The following CCNF variants were observed in gnomAD, a reference collection of about 807,000 sequenced individuals.
CCNF encodes the protein cyclin-F.
In CCNF, 30 loss-of-function variants were observed where a neutral mutation model predicts 85.4. The observed-to-expected ratio is 0.35, with a 90% confidence interval of 0.26 to 0.48. The LOEUF (loss-of-function observed/expected upper bound fraction) is 0.48, where lower values mean the gene tolerates loss of function less well. Ranked by LOEUF, CCNF falls within the 20% of genes least tolerant of loss-of-function variation. The probability of loss-of-function intolerance (pLI) is 0.99; values close to 1 mark genes in which losing one functional copy is unlikely to be tolerated. For synonymous variants in CCNF, 439 were observed against 425.1 expected, an observed-to-expected ratio of 1.03 and a Z score of -0.40; for missense variants, 919 against 1,010.4, an observed-to-expected ratio of 0.91 and a Z score of 1.23.
At chr16:2,438,678 G>A (rs1257913122) in intron 6 of CCNF, among the ~76,000 whole-genome samples, 1 of 151,674 alleles carries the variant, frequency 6.6e-6, no homozygotes, top group Admixed American at 6.6e-5. Context: ...GGAGGAAGAT[G>A]GTGAGTAGAG....
chr16:2,431,917 G>A (rs981571065), intron 2 of CCNF, among the ~76,000 whole-genome samples: 1 of 149,736 alleles, frequency 6.7e-6, no homozygotes, highest in East Asian at 2.0e-4. Flanking sequence ...TGCAAGTTCC[G>A]CCTCCCAGGT....
rs772180279 is a variant in CCNF at position 2,453,320 on chromosome 16, C to T, written c.1587+11C>T. On this transcript the variant is annotated intron_variant, in intron 14 of 16. Transcript: ENST00000397066. The surrounding 1 kb of genome is among the most constrained non-coding windows in gnomAD (Gnocchi z 5.6). ...ATCAGCCAGGAAGAGGTGCCTCCCT[C>T]CCGCCACCTGGGCGTCTCATGGGGT... The T allele has an allele frequency of 1.2e-6, 2 of 1,613,832 alleles. No homozygotes were observed. The highest frequency in any genetic ancestry group is 1.1e-5 in the South Asian group (1 of 91,084).
At chr16:2,443,602 G>A (rs374485469) in intron 8 of CCNF, 47 bp from the exon 9 acceptor site, 6 of 1,592,638 alleles carry the variant, frequency 3.8e-6, no homozygotes, top group African/African-American at 1.3e-5. Context: ...ATGGAAAACT[G>A]CAACATGGCT....
At chr16:2,436,103 C>G (rs1390840360) in intron 4 of CCNF, 5 of 446,492 alleles carry the variant, frequency 1.1e-5, no homozygotes. Flanking sequence ...TTAGCAAACC[C>G]TTTAATTTCA....
Position 2,431,296 on chromosome 16 carries a change from C to T in CCNF, c.171+12C>T, listed in dbSNP as rs768516256. The T allele has an allele frequency of 3.1e-6, 5 of 1,613,118 alleles. No individual in the cohort carries two copies. The highest frequency in any genetic ancestry group is 4.2e-6 in the Non-Finnish European group (5 of 1,179,382). On this transcript the variant is annotated intron_variant, in intron 2 of 16. Transcript: ENST00000397066. ...TGGCCGTCCGAGCTGTAAGTCCCTGCATGAAAACACTATGAGCCCTAGCAT... is the reference window on the plus strand; with the variant it reads ...TGGCCGTCCGAGCTGTAAGTCCCTGTATGAAAACACTATGAGCCCTAGCAT...
rs2141833999 is a variant in CCNF, at chr16:2,456,939, TC to T, written c.2284del (p.Gln762SerfsTer4). ...CCCCAAGTCCCCCGGAGAGCAGTGT[TC>T]CCCAGCAACAGGTGAAGCGGATAAA... ...RPPSPPESSVPQQQVKRINLC... is the reference protein window; with the variant it reads ...RPPSPPESSVXQQQVKRINLC... On this transcript the variant is annotated frameshift_variant, in exon 17 of 17. Transcript: ENST00000397066. LOFTEE classifies it low-confidence loss of function (END_TRUNC). The surrounding 1 kb of genome is among the most constrained non-coding windows in gnomAD (Gnocchi z 4.5). 6.2e-7 allele frequency: 1 copy of T among 1,613,940 alleles called. No individual in the cohort carries two copies. The highest frequency in any genetic ancestry group is 2.2e-5 in the East Asian group (1 of 44,888).
chr16:2,439,048 A>G (rs2065307054), intron 6 of CCNF, among the ~76,000 whole-genome samples: 1 of 152,068 alleles, frequency 6.6e-6, no homozygotes, highest in Non-Finnish European at 1.5e-5. Context: ...CTGTAATCCC[A>G]GCACTTTGGG....
chr16:2,455,080 A>C (rs2065418601), intron 15 of CCNF, among the ~76,000 whole-genome samples: 1 of 151,398 alleles, frequency 6.6e-6, no homozygotes, highest in Non-Finnish European at 1.5e-5. Flanking sequence ...AAAAAAAAAA[A>C]AACACTGGAA....
intron 9 of CCNF, among the ~76,000 whole-genome samples, chr16:2,444,910 T>C: frequency 6.6e-6 from 1 of 151,826 alleles, no homozygotes; most frequent in East Asian, 1.9e-4. Flanking sequence ...CTTTTTTTTT[T>C]TTTTGAGGCA....
At position 2,456,897 on chromosome 16, in the gene CCNF, A is replaced by T; in HGVS notation, c.2238A>T (p.Ser746=). The change falls in exon 17 of 17, where the codon TCA becomes TCT. Residue 746 remains serine (S), a synonymous_variant. Coordinates refer to ENST00000397066, the MANE Select transcript of CCNF (RefSeq NM_001761.3). This position sits in a 1 kb window ranked among gnomAD's most constrained non-coding sequence, Gnocchi z 4.5. ...TQPCHHQARK[S]CLQCRPPSPP... ...CCTGCCACCATCAGGCCAGGAAGTC[A>T]TGTTTACAGTGTCGTCCCCCAAGTC... 6.2e-7 allele frequency: 1 copy of T among 1,614,176 alleles called. No homozygotes were observed. The highest frequency in any genetic ancestry group is 8.5e-7 in the Non-Finnish European group (1 of 1,180,034).
chr16:2,435,588 G>GAC lies in CCNF; in HGVS notation c.279-217_279-216insCA, dbSNP rs1358443321. On this transcript the variant is annotated intron_variant, in intron 3 of 16. Transcript: ENST00000397066. Reference sequence around the variant, plus strand: ...CAACAGAGCAAGACCCTGTCTCAGAGAGAGAGAGATATATATATATATATG... The same window carrying GAC: ...CAACAGAGCAAGACCCTGTCTCAGAGACAGAGAGAGATATATATATATATATG... Among the ~76,000 whole-genome samples, 34 of 57,046 alleles carry GAC rather than the reference G, an allele frequency of 6.0e-4. 1 individual carries two copies. In the East Asian group the frequency reaches 0.027, roughly 45 times the overall value. 37.4% of individuals were successfully genotyped at this position (57,046 alleles called of 152,430 possible). A position where few individuals can be genotyped will look rare whatever the true frequency, so the allele number is the denominator to read the frequency against.
chr16:2,440,244 G>A (rs1283647402), intron 8 of CCNF, among the ~76,000 whole-genome samples: 3 of 152,148 alleles, frequency 2.0e-5, no homozygotes, highest in Admixed American at 6.5e-5. Flanking sequence ...CGCCTTGCTT[G>A]TCATGTCACC....
rs1178706203 is a variant in CCNF at position 2,452,132 on chromosome 16, G to A, written c.1488-1078G>A. Reference sequence around the variant, plus strand: ...CGGCTGCCCGGCCTCCTGGAACACTGTGGCAGCCGCCCCGCACATGTCCCG... The same window carrying A: ...CGGCTGCCCGGCCTCCTGGAACACTATGGCAGCCGCCCCGCACATGTCCCG... On this transcript the variant is annotated intron_variant, in intron 13 of 16. Coordinates refer to ENST00000397066, the MANE Select transcript of CCNF (RefSeq NM_001761.3). The surrounding 1 kb of genome is among the most constrained non-coding windows in gnomAD (Gnocchi z 4.1). Among the ~76,000 whole-genome samples, 1 of 152,230 alleles carries A rather than the reference G, an allele frequency of 6.6e-6. No homozygotes were observed. Among genetic ancestry groups the A allele is most frequent in the African/African-American group, 2.4e-5 (1 of 41,470 alleles).
chr16:2,444,470 T>A (rs1279300349), intron 9 of CCNF, among the ~76,000 whole-genome samples: 2 of 150,738 alleles, frequency 1.3e-5, no homozygotes, highest in African/African-American at 4.9e-5. Flanking sequence ...CAGCTAATTT[T>A]TTTGTATTTT....
At chr16:2,455,057 C>CAAAA (rs113432361) in intron 15 of CCNF, among the ~76,000 whole-genome samples, 14 of 47,188 alleles carry the variant, frequency 3.0e-4, no homozygotes, top group Non-Finnish European at 4.0e-4. Context: ...AAGAACACCT[C>CAAAA]AAAAAAAAAA....
chr16:2,455,690 G>A (rs535989228), intron 16 of CCNF, 126 bp downstream of exon 16: 1 of 1,388,664 alleles, frequency 7.2e-7, no homozygotes, highest in East Asian at 2.6e-5. Context: ...TGCGGGGTGG[G>A]GCCAGCTCCT....
At position 2,429,769 on chromosome 16, in the gene CCNF, G is replaced by A. The variant is rs568199493; in HGVS notation, c.16+272G>A. Among the ~76,000 whole-genome samples the A allele has an allele frequency of 1.8e-3, 274 of 149,156 alleles. 1 individual carries two copies. Among genetic ancestry groups the A allele is most frequent in the Middle Eastern group, 0.017 (5 of 290 alleles). ...TCCTGGGGCAACGATCGGGTCCCGG[G>A]GCAGCGATCCGGCGATCGGGTCCCG... On this transcript the variant is annotated intron_variant, in intron 1 of 16. Coordinates refer to ENST00000397066, the MANE Select transcript of CCNF (RefSeq NM_001761.3).
intron 5 of CCNF, 73 bp from the exon 6 acceptor site, chr16:2,437,997 A>T: frequency 9.8e-7 from 1 of 1,017,474 alleles, no homozygotes. Context: ...GGACCCAAAG[A>T]CAGACAAGGG....
intron 9 of CCNF, 26 bp from the exon 10 acceptor site, chr16:2,445,432 G>C (rs1215073740): frequency 6.8e-6 from 11 of 1,613,160 alleles, no homozygotes; most frequent in Non-Finnish European, 9.3e-6. Context: ...GCCCCCACCA[G>C]TTCCCACGTG....
Sources: gnomAD v4.1 joint callset for allele counts (sites outside exome capture counted in the v4.1 genomes callset) on GRCh38, gnomAD v4.1.1 for gene constraint, Gnocchi (gnomAD v3.1) non-coding constraint, MANE v1.5 for transcripts, NCBI Gene and HGNC (gene_info 2026-07-23, HGNC 2026-07-21) for gene names.